The following FMO5 variants were observed in gnomAD, a reference collection of about 807,000 sequenced individuals.
FMO5 encodes flavin-containing monooxygenase 5.
In FMO5, 51 loss-of-function variants were observed where a neutral mutation model predicts 43.6. The observed-to-expected ratio is 1.17, with a 90% CI of 0.93 to 1.48. The LOEUF is 1.48. FMO5 is among the 40% of genes most tolerant of loss of function. FMO5 has a pLI of 0.00. For synonymous variants in FMO5, 187 were observed against 216.5 expected (o/e 0.86, Z 1.20); for missense variants, 644 against 643.0 (o/e 1.00, Z -0.02).
chr1:147,221,233 C>T (rs1553926184), intron 2 of FMO5, among the ~76,000 whole-genome samples: 1 of 152,056 alleles, frequency 6.6e-6, no homozygotes, highest in East Asian at 1.9e-4. Flanking sequence ...CCTGGAACAG[C>T]AAAAGGCCAT....
Position 147,223,937 on chromosome 1 carries a change from C to T in FMO5, c.135+958G>A, listed in dbSNP as rs1456230466. On this transcript the variant is annotated intron_variant, in intron 2 of 8. Coordinates refer to ENST00000254090, the MANE Select transcript of FMO5 (RefSeq NM_001461.4). ...GAAAGCTGCTAGCAAAGGGGATACC[C>T]CCATCGAGACACCACCCGTCTTTCC... The T allele has an allele frequency of 1.3e-5, 5 of 375,654 alleles. No individual in the cohort carries two copies. The East Asian group carries it at 2.5e-4, about 19-fold the overall frequency. 23.3% of individuals were successfully genotyped at this position (375,654 alleles called of 1,614,324 possible).
chr1:147,195,473 G>A (rs1657821810), intron 7 of FMO5, among the ~76,000 whole-genome samples: 1 of 152,098 alleles, frequency 6.6e-6, no homozygotes, highest in Admixed American at 6.6e-5. Flanking sequence ...AAGTCCTGTG[G>A]AAGATAAGCT....
chr1:147,205,967 A>G (rs1326520110), intron 6 of FMO5, among the ~76,000 whole-genome samples: 8 of 152,028 alleles, frequency 5.3e-5, no homozygotes, highest in Non-Finnish European at 7.4e-5. Context: ...ACTACCATCA[A>G]AGTGAACAGG....
chr1:147,196,513 T>C (rs1658036128), intron 7 of FMO5, among the ~76,000 whole-genome samples: 2 of 151,954 alleles, frequency 1.3e-5, no homozygotes, highest in Admixed American at 6.6e-5. Context: ...AAAAACCCTA[T>C]CTATTACCCT....
At position 147,224,977 on chromosome 1, in the gene FMO5, G is replaced by A. The variant is rs373414071; in HGVS notation, c.53C>T (p.Ser18Phe). The change falls in exon 2 of 9, where the codon TCC becomes TTC. Residue 18 changes from serine to phenylalanine, a missense_variant. Physicochemically the swap from Ser to Phe is radical, Grantham distance 155. Transcript: ENST00000254090. The part of the protein sequence containing the change: ...VIGGGVSGLS[S>F]IKCCVEEGLE... ...GCCTTCTTCTACGCAGCACTTGATG[G>A]AAGAGAGCCCGCTCACTCCTCCCCC... 8 of 1,613,792 alleles carry A rather than the reference G, an allele frequency of 5.0e-6. No homozygotes were observed. In the East Asian group the frequency reaches 8.9e-5, roughly 18 times the overall value.
At chr1:147,215,989 T>A in intron 2 of FMO5, 47 bp from the exon 3 acceptor site, 1 of 1,416,546 alleles carries the variant, frequency 7.1e-7, no homozygotes, top group Non-Finnish European at 9.7e-7. Flanking sequence ...ATCATCTTCA[T>A]GTTTTATAAT....
chr1:147,206,282 G>T (rs1413255668), intron 6 of FMO5, among the ~76,000 whole-genome samples: 1 of 151,996 alleles, frequency 6.6e-6, no homozygotes, highest in African/African-American at 2.4e-5. Context: ...TGCTGGAGAG[G>T]ATGTGGAGAA....
At chr1:147,215,363 T>A (rs2101993505) in intron 3 of FMO5, 1 of 161,184 alleles carries the variant, frequency 6.2e-6, no homozygotes, top group South Asian at 1.9e-4. Flanking sequence ...TATTGGAAAG[T>A]ACTTCAGAAA....
upstream of FMO5, chr1:147,225,388 C>T: frequency 4.7e-6 from 1 of 214,448 alleles, no homozygotes; most frequent in Admixed American, 5.1e-5. Context: ...GGACAAACAG[C>T]GAGAGCCAAC....
intron 2 of FMO5, chr1:147,224,047 G>T: frequency 5.0e-6 from 2 of 403,150 alleles, no homozygotes; most frequent in Non-Finnish European, 9.8e-6. Flanking sequence ...ATCCCATCGA[G>T]CTGGTTGTCT....
At chr1:147,204,439 C>G (rs587604860) in intron 6 of FMO5, 1 of 1,245,982 alleles carries the variant, frequency 8.0e-7, no homozygotes, top group Admixed American at 1.7e-5. Flanking sequence ...TACAGAGGTA[C>G]GAAGTAGAGA....
intron 7 of FMO5, among the ~76,000 whole-genome samples, chr1:147,195,060 G>C (rs1363646652): frequency 6.6e-6 from 1 of 151,970 alleles, no homozygotes; most frequent in East Asian, 1.9e-4. Context: ...GGCCTGCCTT[G>C]CTAGATTGGG....
chr1:147,184,460 G>T, downstream of FMO5: 1 of 1,403,344 alleles, frequency 7.1e-7, no homozygotes, highest in Non-Finnish European at 9.3e-7. This position sits in a 1 kb window ranked among gnomAD's most constrained non-coding sequence, Gnocchi z 4.4. Flanking sequence ...TGTTGCAGGA[G>T]TCCATCCAGG....
At chr1:147,202,447 G>A (rs1659193284) in intron 6 of FMO5, among the ~76,000 whole-genome samples, 1 of 150,842 alleles carries the variant, frequency 6.6e-6, no homozygotes, top group South Asian at 2.1e-4. Flanking sequence ...AGCCTCCCGA[G>A]TAGCTTGGAC....
In FMO5 at chr1:147,203,974, A is replaced by T. The variant is rs930337396; in HGVS notation, c.831-2470T>A. The T allele has an allele frequency of 2.9e-5, 35 of 1,217,036 alleles. No homozygotes were observed. In the African/African-American group the frequency reaches 4.6e-4, roughly 16 times the overall value. The allele number at this position is 1,217,036 out of a possible 1,614,324, so 75.4% of individuals were successfully genotyped here. A position where few individuals can be genotyped will look rare whatever the true frequency, so the allele number is the denominator to read the frequency against. ...CAACTGTTTTACAGAGTCTTCGGAC[A>T]TCCCATTTTGAGTTTAGCTTCACTA... On this transcript the variant is annotated intron_variant, in intron 6 of 8. Transcript: ENST00000254090.
intron 2 of FMO5, among the ~76,000 whole-genome samples, 184 bp downstream of exon 2, chr1:147,224,711 C>T (rs1553927101): frequency 1.3e-5 from 2 of 151,996 alleles, no homozygotes; most frequent in Non-Finnish European, 1.5e-5. Context: ...GAGGTTTCAC[C>T]GTGTTAGCCA....
chr1:147,192,308 T>G (rs1463172103), intron 7 of FMO5, among the ~76,000 whole-genome samples: 2 of 152,082 alleles, frequency 1.3e-5, no homozygotes, highest in African/African-American at 4.8e-5. Context: ...TTTGGCTCTC[T>G]GTTTGTCTGT....
chr1:147,208,931 A>G lies in FMO5; in HGVS notation c.751T>C (p.Ser251Pro), dbSNP rs782235792. 7.4e-6 allele frequency: 12 copies of G among 1,614,108 alleles called. 1 individual carries two copies. The South Asian group carries it at 1.3e-4, about 18-fold the overall frequency. Residue 251 changes from serine to proline, a missense_variant, in exon 6 of 9, where the codon TCA (serine) becomes CCA (proline). Physicochemically the swap from Ser to Pro is moderately conservative, Grantham distance 74. Coordinates refer to ENST00000254090, the MANE Select transcript of FMO5 (RefSeq NM_001461.4). ...THFIWKICGQSLANKYLEKKI... is the reference protein window; with the variant it reads ...THFIWKICGQPLANKYLEKKI... Reference sequence around the variant, plus strand: ...TTTTCCAAATATTTGTTTGCTAATGATTGGCCACAGATCTTCCATATAAAA... The same window carrying G: ...TTTTCCAAATATTTGTTTGCTAATGGTTGGCCACAGATCTTCCATATAAAA...
chr1:147,204,035 A>G, intron 6 of FMO5: 4 of 1,184,824 alleles, frequency 3.4e-6, no homozygotes, highest in Non-Finnish European at 5.1e-6. Context: ...ATGAAGAGCC[A>G]TGTCTGCCAC....
Sources: allele counts gnomAD v4.1 joint callset (sites outside exome capture counted in the v4.1 genomes callset), GRCh38; gene constraint gnomAD v4.1.1; non-coding constraint Gnocchi (gnomAD v3.1); transcripts MANE v1.5; gene names NCBI Gene and HGNC (gene_info 2026-07-23, HGNC 2026-07-21).